Variants in HDAC4 observed in about 807,000 individuals in gnomAD.
HDAC4 encodes histone deacetylase A.
A neutral mutation model predicts 135.1 loss-of-function variants in HDAC4; 16 were observed. The ratio of observed to expected loss-of-function variants is 0.12; its 90% CI spans 0.08 to 0.18. The LOEUF (loss-of-function observed/expected upper bound fraction) is 0.18. Ranked by LOEUF, HDAC4 falls within the 10% of genes least tolerant of loss-of-function variation. HDAC4 has a pLI of 1.00. For missense variants in HDAC4, 1,143 were observed against 1,511.8 expected (o/e 0.76, Z 4.05); for synonymous variants, 685 against 653.4 (o/e 1.05, Z -0.74).
At chr2:239,250,136 G>A (rs1486458292) in intron 2 of HDAC4, among the ~76,000 whole-genome samples, 3 of 152,276 alleles carry the variant, frequency 2.0e-5, no homozygotes, top group Non-Finnish European at 2.9e-5. Flanking sequence ...ATGAGGATGC[G>A]TGGATGTCCT....
At position 239,131,346 on chromosome 2, in the gene HDAC4, G is replaced by A. The variant is rs553591517; in HGVS notation, c.1294+2899C>T. Among the ~76,000 whole-genome samples, 417 of 150,392 alleles carry A rather than the reference G, an allele frequency of 2.8e-3. 3 individuals carry two copies. Among genetic ancestry groups the A allele is most frequent in the African/African-American group, 9.7e-3 (401 of 41,354 alleles). On this transcript the variant is annotated intron_variant, in intron 11 of 26. Coordinates refer to ENST00000543185, the MANE Select transcript of HDAC4 (RefSeq NM_001378414.1). ...GATATCCTATACACCTATGCACCACGATTACCAGCGATAAGGTGGGTCTGT... is the reference window on the plus strand; with the variant it reads ...GATATCCTATACACCTATGCACCACAATTACCAGCGATAAGGTGGGTCTGT...
chr2:239,198,674 G>A (rs1043731046), intron 3 of HDAC4, among the ~76,000 whole-genome samples: 1 of 152,160 alleles, frequency 6.6e-6, no homozygotes, highest in East Asian at 1.9e-4. Flanking sequence ...CTGCTGAATC[G>A]CTGTGACTCT....
chr2:239,208,149 C>G (rs951767580), intron 3 of HDAC4, among the ~76,000 whole-genome samples: 1 of 150,270 alleles, frequency 6.7e-6, no homozygotes, highest in Non-Finnish European at 1.5e-5. Flanking sequence ...GGTGAAACCC[C>G]GTCCCTACTA....
chr2:239,228,378 C>T (rs546129334), intron 3 of HDAC4, among the ~76,000 whole-genome samples: 13 of 148,714 alleles, frequency 8.7e-5, no homozygotes, highest in Admixed American at 5.4e-4. Context: ...AATACTGAGC[C>T]GGAACGGGAT....
Position 239,348,006 on chromosome 2 carries a change from C to T in HDAC4, c.22+4672G>A, listed in dbSNP as rs529684990. Among the ~76,000 whole-genome samples the T allele has an allele frequency of 2.2e-4, 33 of 147,060 alleles. 4 individuals carry two copies. The South Asian group carries it at 6.7e-3, about 30-fold the overall frequency. ...CTGCTTCCTATCGAGAGCATCATCC[C>T]GGTGACCACAGACACGTCCCAGCAA... On this transcript the variant is annotated intron_variant, in intron 2 of 26. Transcript: ENST00000543185.
intron 18 of HDAC4, 27 bp downstream of exon 18, chr2:239,089,982 G>A (rs2036353475): frequency 2.0e-6 from 3 of 1,520,446 alleles, no homozygotes; most frequent in Admixed American, 1.7e-5. Flanking sequence ...CTCCTGGAGG[G>A]CCACCACTGT....
chr2:239,365,799 A>AGGGTCACACGTGTGGCACTGG (rs1694161101), intron 1 of HDAC4, among the ~76,000 whole-genome samples: 1 of 151,584 alleles, frequency 6.6e-6, no homozygotes, highest in Admixed American at 6.6e-5. Context: ...CAGGGTCGTC[A>AGGGTCACACGTGTGGCACTGG]GGGTCACACG....
chr2:239,132,609 G>T (rs1329017739), intron 11 of HDAC4, among the ~76,000 whole-genome samples: 2 of 152,220 alleles, frequency 1.3e-5, no homozygotes, highest in African/African-American at 4.8e-5. Context: ...AAAGAGGGAT[G>T]AGCGCACACA....
Position 239,105,876 on chromosome 2 carries a change from G to A in HDAC4, c.2112+2174C>T, listed in dbSNP as rs75202131. On this transcript the variant is annotated intron_variant, in intron 15 of 26. Transcript: ENST00000543185. ...GGCAGGCTGGCACTGGAAGTCTGGTGGGTGACGTCACGTCCCCCTGGGCTG... is the reference window on the plus strand; with the variant it reads ...GGCAGGCTGGCACTGGAAGTCTGGTAGGTGACGTCACGTCCCCCTGGGCTG... Among the ~76,000 whole-genome samples the A allele has an allele frequency of 7.3e-4, 111 of 152,284 alleles. 2 individuals are homozygous for A. In the East Asian group the frequency reaches 0.018, roughly 25 times the overall value.
chr2:239,120,372 T>TA (rs982399356), intron 12 of HDAC4, among the ~76,000 whole-genome samples: 5 of 97,444 alleles, frequency 5.1e-5, no homozygotes, highest in Non-Finnish European at 1.0e-4. Context: ...CAGATACATA[T>TA]ACCCGCAGAG....
intron 26 of HDAC4, 116 bp from the exon 27 acceptor site, chr2:239,053,252 C>A: frequency 7.1e-7 from 1 of 1,409,606 alleles, no homozygotes; most frequent in Non-Finnish European, 9.9e-7. Flanking sequence ...CTAGCCCTGG[C>A]CTGGCAGCCC....
intron 2 of HDAC4, among the ~76,000 whole-genome samples, chr2:239,330,264 G>A (rs1187699492): frequency 6.6e-6 from 1 of 152,264 alleles, no homozygotes; most frequent in Non-Finnish European, 1.5e-5. Flanking sequence ...TAGGAGCATC[G>A]GGAAGGGGAG....
At chr2:239,338,074 C>A (rs534211371) in intron 2 of HDAC4, among the ~76,000 whole-genome samples, 64 of 152,318 alleles carry the variant, frequency 4.2e-4, no homozygotes, top group African/African-American at 1.5e-3. Flanking sequence ...CCCCGCCCAC[C>A]AGCCAGGTGC....
Position 239,053,192 on chromosome 2 carries a change from G to C in HDAC4, c.3231-56C>G, listed in dbSNP as rs1180739693. ...GCGTGGGGCAGGTGCACCACAGAGA[G>C]GAGAGAACAGAACGTGGGTTAAAGG... On this transcript the variant is annotated intron_variant, in intron 26 of 26. Coordinates refer to ENST00000543185, the MANE Select transcript of HDAC4 (RefSeq NM_001378414.1). The C allele has an allele frequency of 3.7e-6, 6 of 1,603,940 alleles. No homozygotes were observed. In the African/African-American group the frequency reaches 4.0e-5, roughly 11 times the overall value.
In HDAC4 at chr2:239,049,098, CTG is replaced by C. The variant is rs1169767220; in HGVS notation, c.*3997_*3998del. On this transcript the variant is annotated 3_prime_UTR_variant, in exon 27 of 27. Transcript: ENST00000543185. ...AATTCTGAGTAGTTTCCCTAAAACACTGTTTCCACATAAATACAATAAACTCT... is the reference window on the plus strand; with the variant it reads ...AATTCTGAGTAGTTTCCCTAAAACACTTTCCACATAAATACAATAAACTCT... 4 of 152,284 alleles carry C rather than the reference CTG, an allele frequency of 2.6e-5. No individual in the cohort carries two copies. In the East Asian group the frequency reaches 7.7e-4, roughly 29 times the overall value. The allele number at this position is 152,284 out of a possible 1,614,324, so 9.4% of individuals were successfully genotyped here.
chr2:239,087,164 G>C (rs76310849), intron 19 of HDAC4, among the ~76,000 whole-genome samples: 122 of 152,322 alleles, frequency 8.0e-4, no homozygotes, highest in African/African-American at 2.9e-3. Context: ...GTCAGTACCA[G>C]GCATTCGGCA....
chr2:239,222,534 C>A lies in HDAC4; in HGVS notation c.94+14059G>T, dbSNP rs1367242623. Among the ~76,000 whole-genome samples, 316 of 112,184 alleles carry A rather than the reference C, an allele frequency of 2.8e-3. 3 individuals carry two copies. In the East Asian group the frequency reaches 0.04, roughly 14 times the overall value. The allele number at this position is 112,184 out of a possible 152,430, so 73.6% of individuals were successfully genotyped here. A position where few individuals can be genotyped will look rare whatever the true frequency, so the allele number is the denominator to read the frequency against. ...AATAGAACCAGGCCTTACCCCATAC[C>A]AAAAAAAAAAAAAAAAAAAATGGTG... On this transcript the variant is annotated intron_variant, in intron 3 of 26. Coordinates refer to ENST00000543185, the MANE Select transcript of HDAC4 (RefSeq NM_001378414.1).
intron 2 of HDAC4, among the ~76,000 whole-genome samples, chr2:239,247,986 C>T (rs1300130390): frequency 6.6e-6 from 1 of 152,156 alleles, no homozygotes; most frequent in African/African-American, 2.4e-5. Context: ...AATCTGTGGT[C>T]AGTGGCCAGT....
rs560586975 is a variant in HDAC4, at chr2:239,206,375, T to C, written c.95-16298A>G. Among the ~76,000 whole-genome samples, 3 of 150,828 alleles carry C rather than the reference T, an allele frequency of 2.0e-5. No individual in the cohort carries two copies. The East Asian group carries it at 5.9e-4, about 30-fold the overall frequency. On this transcript the variant is annotated intron_variant, in intron 3 of 26. Transcript: ENST00000543185. ...TAAATGTTTTAAAATACGGCTGTTA[T>C]ATACATGCACACATACGTGCACACA... is the stretch of plus-strand genomic sequence containing the variant.
Sources: gnomAD v4.1 joint callset for allele counts (sites outside exome capture counted in the v4.1 genomes callset) on GRCh38, gnomAD v4.1.1 for gene constraint, MANE v1.5 for transcripts, NCBI Gene and HGNC (gene_info 2026-07-23, HGNC 2026-07-21) for gene names.